The following TTC28 variants were observed in gnomAD, a reference collection of about 807,000 sequenced individuals.
TTC28 encodes tetratricopeptide repeat domain 28.
Under a neutral mutation model 198.0 loss-of-function variants are expected in TTC28, and 61 were observed. The ratio of observed to expected loss-of-function variants is 0.31; its 90% CI spans 0.25 to 0.38. TTC28 has a LOEUF of 0.38. TTC28 is among the 10% of genes least tolerant of loss of function. The pLI is 1.00. For synonymous variants in TTC28, 1,171 were observed against 1,297.8 expected, an observed-to-expected ratio of 0.90 and a Z score of 2.10; for missense variants, 2,678 against 3,164.0, an observed-to-expected ratio of 0.85 and a Z score of 3.69.
chr22:28,166,285 G>C (rs561065862), intron 5 of TTC28, among the ~76,000 whole-genome samples: 2 of 152,200 alleles, frequency 1.3e-5, no homozygotes, highest in East Asian at 3.9e-4. Flanking sequence ...AGTTAACAAG[G>C]ATATCCAGGA....
At chr22:27,996,398 G>A (rs1937553206) in intron 16 of TTC28, 139 bp from the exon 17 acceptor site, 1 of 1,284,516 alleles carries the variant, frequency 7.8e-7, no homozygotes, top group South Asian at 1.5e-5. Context: ...TCACAGGCTG[G>A]CCTGGGGCAT....
At chr22:28,218,048 T>C (rs1472057368) in intron 5 of TTC28, among the ~76,000 whole-genome samples, 2 of 152,236 alleles carry the variant, frequency 1.3e-5, no homozygotes, top group South Asian at 4.1e-4. Flanking sequence ...CACATAGATA[T>C]GTAATTGGAA....
chr22:27,984,604 C>T (rs187268240), intron 22 of TTC28, among the ~76,000 whole-genome samples: 1 of 152,286 alleles, frequency 6.6e-6, no homozygotes, highest in Non-Finnish European at 1.5e-5. Flanking sequence ...ACTCACGTAC[C>T]AGCTGCCTGC....
At chr22:28,371,816 G>A (rs1411644761) in intron 2 of TTC28, among the ~76,000 whole-genome samples, 3 of 148,224 alleles carry the variant, frequency 2.0e-5, no homozygotes, top group Non-Finnish European at 4.5e-5. Context: ...TCCCGATCTC[G>A]TGATCCATCC....
chr22:28,154,723 A>C (rs1943712984), intron 6 of TTC28, among the ~76,000 whole-genome samples: 1 of 152,230 alleles, frequency 6.6e-6, no homozygotes, highest in Admixed American at 6.5e-5. Flanking sequence ...CATAGAAAAT[A>C]GCTAGGCTAC....
At chr22:28,314,416 G>A (rs2045320160) in intron 2 of TTC28, among the ~76,000 whole-genome samples, 1 of 152,002 alleles carries the variant, frequency 6.6e-6, no homozygotes, top group East Asian at 1.9e-4. Flanking sequence ...GACAATCCTG[G>A]GCAAGAAGAA....
At chr22:28,232,572 G>T (rs2147231922) in intron 5 of TTC28, among the ~76,000 whole-genome samples, 1 of 152,230 alleles carries the variant, frequency 6.6e-6, no homozygotes, top group East Asian at 1.9e-4. Flanking sequence ...TTTTGCAAAT[G>T]TCTGTTTGAA....
In TTC28 at chr22:28,543,426, G is replaced by GGAGGAGGAA. The variant is rs979482367; in HGVS notation, c.381+86117_381+86125dup. 1.1e-4 allele frequency among the ~76,000 whole-genome samples: 17 copies of GGAGGAGGAA among 150,426 alleles called. No individual in the cohort carries two copies. The East Asian group carries it at 3.1e-3, about 28-fold the overall frequency. On this transcript the variant is annotated intron_variant, in intron 2 of 22. Coordinates refer to ENST00000397906, the MANE Select transcript of TTC28 (RefSeq NM_001145418.2). ...TGAAGATGAAGATGAAGAAGAGGGA[G>GGAGGAGGAA]GAGGAGGAAGAGGAGGAAGAGGAGG...
chr22:28,199,329 C>CA (rs1326002458), intron 5 of TTC28, among the ~76,000 whole-genome samples: 3 of 145,056 alleles, frequency 2.1e-5, no homozygotes, highest in African/African-American at 2.5e-5. Flanking sequence ...CTGGTAAATG[C>CA]AAAAAGCAAG....
intron 12 of TTC28, among the ~76,000 whole-genome samples, chr22:28,074,251 T>C (rs1368375642): frequency 6.6e-6 from 1 of 152,208 alleles, no homozygotes. Flanking sequence ...GGAATTTTTT[T>C]ATCTTGCCCT....
intron 2 of TTC28, among the ~76,000 whole-genome samples, chr22:28,466,535 C>A (rs927273644): frequency 1.3e-5 from 2 of 152,038 alleles, no homozygotes; most frequent in Non-Finnish European, 2.9e-5. Flanking sequence ...ACCAAGAATG[C>A]GAAATGTGAC....
At chr22:28,586,745 AATGC>A (rs2050324740) in intron 2 of TTC28, among the ~76,000 whole-genome samples, 1 of 152,196 alleles carries the variant, frequency 6.6e-6, no homozygotes, top group South Asian at 2.1e-4. Flanking sequence ...TTTAGCTAAT[AATGC>A]TGAGTACCTG....
rs143947588 is a variant in TTC28 at position 28,670,284 on chromosome 22, A to G, written c.102+9338T>C. 2.2e-4 allele frequency among the ~76,000 whole-genome samples: 34 copies of G among 152,242 alleles called. 1 individual carries two copies. The highest frequency in any genetic ancestry group is 7.9e-4 in the African/African-American group (33 of 41,550). ...TCAGAGTTTTGCAACCATTACCACA[A>G]TCTAATTTTAGAATAGTCTCATCAC... On this transcript the variant is annotated intron_variant, in intron 1 of 22. Transcript: ENST00000397906.
At position 28,029,674 on chromosome 22, in the gene TTC28, T is replaced by C. The variant is rs78496977; in HGVS notation, c.4073+552A>G. On this transcript the variant is annotated intron_variant, in intron 13 of 22. Coordinates refer to ENST00000397906, the MANE Select transcript of TTC28 (RefSeq NM_001145418.2). ...CTGGCTTGGAAATTTCAAACTCGAT[T>C]CATCTTAAAGCCATTAAGGCCTATT... Among the ~76,000 whole-genome samples the C allele has an allele frequency of 2.1e-3, 326 of 152,218 alleles. 2 individuals carry two copies. The highest frequency in any genetic ancestry group is 7.5e-3 in the African/African-American group (312 of 41,520).
chr22:28,389,055 T>C (rs1295951515), intron 2 of TTC28, among the ~76,000 whole-genome samples: 3 of 152,064 alleles, frequency 2.0e-5, no homozygotes, highest in South Asian at 2.1e-4. Context: ...GCATGAAGGG[T>C]TGTTGAATTT....
rs117210419 is a variant in TTC28 at position 28,247,088 on chromosome 22, G to T, written c.933+49110C>A. On this transcript the variant is annotated intron_variant, in intron 5 of 22. Transcript: ENST00000397906. The stretch of plus-strand genomic sequence containing the variant: ...AGAAAAATGATTAAGATCAAGATAC[G>T]TGGCATTCTTTCTAAGACACTACTT... Among the ~76,000 whole-genome samples the T allele has an allele frequency of 3.7e-3, 561 of 152,252 alleles. 10 individuals are homozygous for T. In the East Asian group the frequency reaches 0.053, roughly 14 times the overall value.
intron 2 of TTC28, among the ~76,000 whole-genome samples, chr22:28,317,168 C>T (rs969176890): frequency 2.0e-5 from 3 of 152,078 alleles, no homozygotes; most frequent in Middle Eastern, 3.4e-3. Context: ...TTTGTTATAA[C>T]GGTTGCCTTT....
chr22:28,095,480 T>TA (rs1941944817), intron 11 of TTC28, among the ~76,000 whole-genome samples: 2 of 152,162 alleles, frequency 1.3e-5, no homozygotes, highest in Non-Finnish European at 2.9e-5. Context: ...AAGAAGCTCA[T>TA]TCTTTAAGAT....
intron 5 of TTC28, among the ~76,000 whole-genome samples, chr22:28,275,739 A>C (rs890362429): frequency 2.0e-5 from 3 of 151,484 alleles, no homozygotes; most frequent in Non-Finnish European, 4.4e-5. Flanking sequence ...GAGAAAGTTT[A>C]AACAAAAAAA....
Sources: gnomAD v4.1 joint callset for allele counts (sites outside exome capture counted in the v4.1 genomes callset) on GRCh38, gnomAD v4.1.1 for gene constraint, MANE v1.5 for transcripts, NCBI Gene and HGNC (gene_info 2026-07-23, HGNC 2026-07-21) for gene names.